MAP2: variants seen among roughly 807,000 people sequenced by gnomAD.
MAP2 encodes microtubule-associated protein 2.
A neutral mutation model predicts 137.6 loss-of-function variants in MAP2; 14 were observed. That is an observed-to-expected ratio of 0.10 (90% CI 0.07 to 0.16). The LOEUF (loss-of-function observed/expected upper bound fraction) is 0.16. Ranked by LOEUF, MAP2 falls within the 10% of genes least tolerant of loss-of-function variation. The pLI is 1.00. For synonymous variants in MAP2, 786 were observed against 782.3 expected, an observed-to-expected ratio of 1.00 and a Z score of -0.08; for missense variants, 2,088 against 2,191.5, an observed-to-expected ratio of 0.95 and a Z score of 0.94.
intron 2 of MAP2, among the ~76,000 whole-genome samples, chr2:209,530,816 A>T (rs1364457871): frequency 6.6e-6 from 1 of 152,184 alleles, no homozygotes; most frequent in East Asian, 1.9e-4. Flanking sequence ...GGTCACATAG[A>T]TAATAACAAA....
chr2:209,578,672 C>T (rs2075742090), intron 2 of MAP2, among the ~76,000 whole-genome samples: 1 of 152,078 alleles, frequency 6.6e-6, no homozygotes. Context: ...CTTCCCTTTT[C>T]CCCAGGAAAT....
intron 1 of MAP2, among the ~76,000 whole-genome samples, chr2:209,439,369 G>T (rs1054738650): frequency 5.9e-5 from 9 of 151,420 alleles, no homozygotes; most frequent in African/African-American, 2.2e-4. Flanking sequence ...GTATAAATGT[G>T]TACATATATA....
At chr2:209,495,254 A>G (rs191487103) in intron 1 of MAP2, among the ~76,000 whole-genome samples, 54 of 152,354 alleles carry the variant, frequency 3.5e-4, no homozygotes, top group African/African-American at 1.3e-3. Flanking sequence ...GGATGTGGGT[A>G]CAGCTTCAGC....
intron 7 of MAP2, among the ~76,000 whole-genome samples, chr2:209,683,257 A>G (rs553931500): frequency 2.0e-5 from 3 of 152,336 alleles, no homozygotes; most frequent in South Asian, 2.1e-4. Flanking sequence ...CAAGATATTC[A>G]AGGAAAATAC....
intron 4 of MAP2, among the ~76,000 whole-genome samples, chr2:209,641,713 A>C (rs1292542245): frequency 6.6e-6 from 1 of 151,998 alleles, no homozygotes; most frequent in Non-Finnish European, 1.5e-5. Flanking sequence ...AAAAAGAAAA[A>C]AAAATTACTG....
At position 209,693,787 on chromosome 2, in the gene MAP2, G is replaced by A. The variant is rs775738016; in HGVS notation, c.1617G>A (p.Met539Ile). The A allele has an allele frequency of 1.1e-5, 17 of 1,613,958 alleles. No individual in the cohort carries two copies. Among genetic ancestry groups the A allele is most frequent in the Non-Finnish European group, 1.4e-5 (16 of 1,179,966 alleles). ...EKSSIQELFE[M>I]RVDDKDKIEG... is the part of the protein sequence containing the mutation. ...GCTCAATTCAGGAACTTTTTGAAAT[G>A]AGAGTTGATGACAAAGATAAGATTG... The change falls in exon 8 of 16, where the codon ATG becomes ATA. Residue 539 changes from methionine to isoleucine, a missense_variant. Around this residue, in one of 6 missense-constraint regions of MAP2, gnomAD observed 859 missense variants for 794.5 expected, o/e 1.08. Coordinates refer to ENST00000682079, the MANE Select transcript of MAP2 (RefSeq NM_001375505.1).
At chr2:209,436,458 T>G (rs1443947291) in intron 1 of MAP2, among the ~76,000 whole-genome samples, 1 of 151,642 alleles carries the variant, frequency 6.6e-6, no homozygotes, top group Non-Finnish European at 1.5e-5. Context: ...CAATAAAATT[T>G]TATTACTAAA....
At chr2:209,692,090 A>T (rs1279117685) in intron 7 of MAP2, among the ~76,000 whole-genome samples, 2 of 152,200 alleles carry the variant, frequency 1.3e-5, no homozygotes, top group Non-Finnish European at 2.9e-5. Context: ...TGCAACTATT[A>T]ACATTATATC....
rs756647705 is a variant in MAP2 at position 209,694,080 on chromosome 2, A to G, written c.1910A>G (p.Tyr637Cys). ...AGTCCTCCAGCACAAGAAGCAGGGTACAGCACTCTCGCACAGAGTTATCCA... is the reference window on the plus strand; with the variant it reads ...AGTCCTCCAGCACAAGAAGCAGGGTGCAGCACTCTCGCACAGAGTTATCCA... ...QPSPPAQEAGYSTLAQSYPSD... is the reference protein window; with the variant it reads ...QPSPPAQEAGCSTLAQSYPSD... The change falls in exon 8 of 16, where the codon TAC (tyrosine) becomes TGC (cysteine). Residue 637 changes from tyrosine to cysteine, a missense_variant. Around this residue, in one of 6 missense-constraint regions of MAP2, gnomAD observed 859 missense variants for 794.5 expected, o/e 1.08. Transcript: ENST00000682079. 2.5e-6 allele frequency: 4 copies of G among 1,613,716 alleles called. No homozygotes were observed. Among genetic ancestry groups the G allele is most frequent in the South Asian group, 1.1e-5 (1 of 90,986 alleles).
rs568663760 is a variant in MAP2, at chr2:209,464,406, A to G, written c.-222+40130A>G. ...TAAAGTAATGTCAATGAAGTAATTT[A>G]GATTTATTCAAATTATACTACTTAA... is the stretch of plus-strand genomic sequence containing the variant. On this transcript the variant is annotated intron_variant, in intron 1 of 15. Transcript: ENST00000682079. 2.6e-5 allele frequency among the ~76,000 whole-genome samples: 4 copies of G among 152,272 alleles called. No individual in the cohort carries two copies. The East Asian group carries it at 5.8e-4, about 22-fold the overall frequency.
chr2:209,555,599 G>A (rs1014995751), intron 2 of MAP2, among the ~76,000 whole-genome samples: 7 of 152,082 alleles, frequency 4.6e-5, no homozygotes, highest in Admixed American at 1.3e-4. Context: ...TCAATATGAA[G>A]GAGTCAAAAT....
chr2:209,585,260 A>T (rs1559356173), intron 3 of MAP2, among the ~76,000 whole-genome samples: 2 of 152,190 alleles, frequency 1.3e-5, no homozygotes, highest in African/African-American at 2.4e-5. Flanking sequence ...GAATTAAAAA[A>T]AAAAAAGCAA....
chr2:209,608,828 C>T (rs944939394), intron 3 of MAP2, among the ~76,000 whole-genome samples: 3 of 152,090 alleles, frequency 2.0e-5, no homozygotes, highest in Non-Finnish European at 4.4e-5. Flanking sequence ...TGTTGTGTGC[C>T]AACAACCTGT....
chr2:209,701,589 A>G lies in MAP2; in HGVS notation c.4584+1251A>G, dbSNP rs183261985. ...CTTAGCTTACCCTTCTAAAAAACCA[A>G]TAAGATTTTAGACTTCCACTTTTAT... On this transcript the variant is annotated intron_variant, in intron 11 of 15. Transcript: ENST00000682079. 5.4e-3 allele frequency among the ~76,000 whole-genome samples: 817 copies of G among 152,196 alleles called. 14 individuals are homozygous for G. Among genetic ancestry groups the G allele is most frequent in the African/African-American group, 0.018 (751 of 41,570 alleles).
intron 1 of MAP2, among the ~76,000 whole-genome samples, chr2:209,480,450 T>C (rs188829369): frequency 6.6e-6 from 1 of 152,340 alleles, no homozygotes; most frequent in East Asian, 1.9e-4. Context: ...GGAAAAAATA[T>C]TTAAAGATGA....
chr2:209,424,160 T>C lies in MAP2; in HGVS notation c.-338T>C, dbSNP rs542057809. 289 of 153,674 alleles carry C rather than the reference T, an allele frequency of 1.9e-3. 3 individuals carry two copies. In the East Asian group the frequency reaches 0.026, roughly 14 times the overall value. The allele number at this position is 153,674 out of a possible 1,614,324, so 9.5% of individuals were successfully genotyped here. On this transcript the variant is annotated 5_prime_UTR_variant, in exon 1 of 16. Transcript: ENST00000682079. ...TCTTTCTCTTCCTTCTCCTTCTTTT[T>C]CCCCCCCCTCCCCTTCTTCCCCTAA...
chr2:209,456,262 T>C (rs1701518144), intron 1 of MAP2, among the ~76,000 whole-genome samples: 1 of 152,134 alleles, frequency 6.6e-6, no homozygotes, highest in African/African-American at 2.4e-5. Flanking sequence ...ACCAAGAAGA[T>C]TGGTTTTCTG....
intron 2 of MAP2, among the ~76,000 whole-genome samples, chr2:209,563,564 C>T (rs1297855011): frequency 6.6e-6 from 1 of 152,184 alleles, no homozygotes; most frequent in Non-Finnish European, 1.5e-5. Context: ...CCCCCGTATA[C>T]TTCTCTAGCT....
intron 13 of MAP2, among the ~76,000 whole-genome samples, chr2:209,720,859 C>T (rs943969126): frequency 7.3e-5 from 11 of 151,506 alleles, no homozygotes; most frequent in African/African-American, 2.7e-4. Flanking sequence ...AAATGTTTTT[C>T]TAAAACTGAA....
Sources: allele counts gnomAD v4.1 joint callset (sites outside exome capture counted in the v4.1 genomes callset), GRCh38; gene constraint gnomAD v4.1.1; regional missense constraint gnomAD v4.1.1; transcripts MANE v1.5; gene names NCBI Gene and HGNC (gene_info 2026-07-23, HGNC 2026-07-21).